The following MYO6 variants were observed in gnomAD, a reference collection of about 807,000 sequenced individuals.
MYO6 encodes the protein myosin VI.
MYO6 carries 74 observed loss-of-function variants against 178.7 expected under a neutral mutation model. The observed-to-expected ratio is 0.41, with a 90% CI of 0.34 to 0.50. MYO6 has a LOEUF of 0.50. Ranked by LOEUF, MYO6 falls within the 20% of genes least tolerant of loss-of-function variation. The pLI is 0.09. For missense variants in MYO6, 1,330 were observed against 1,547.4 expected (o/e 0.86, Z 2.36); for synonymous variants, 477 against 504.6 (o/e 0.95, Z 0.73).
chr6:75,908,399 TA>T (rs1193996667), intron 31 of MYO6, 96 bp from the exon 32 acceptor site: 32 of 1,201,644 alleles, frequency 2.7e-5, no homozygotes, highest in Non-Finnish European at 3.3e-5. Context: ...AATTTAAAAA[TA>T]AAAAAATCTC....
intron 1 of MYO6, among the ~76,000 whole-genome samples, chr6:75,756,961 A>G (rs1386196453): frequency 3.0e-5 from 1 of 32,852 alleles, no homozygotes; most frequent in Non-Finnish European, 9.0e-5. Flanking sequence ...GTATATATGT[A>G]TACACACATA....
At chr6:75,757,009 GTA>G (rs1294470068) in intron 1 of MYO6, among the ~76,000 whole-genome samples, 5 of 135,090 alleles carry the variant, frequency 3.7e-5, no homozygotes, top group Non-Finnish European at 8.0e-5. Flanking sequence ...TATATAGTGT[GTA>G]TATATGTATA....
intron 1 of MYO6, among the ~76,000 whole-genome samples, chr6:75,809,785 C>A (rs80324722): frequency 0.066 from 10,032 of 151,188 alleles, 447 homozygotes; most frequent in Middle Eastern, 0.15. Context: ...GATGTCAGCC[C>A]GGCGTGCTGG....
intron 1 of MYO6, among the ~76,000 whole-genome samples, chr6:75,794,896 A>G (rs1768646751): frequency 6.6e-6 from 1 of 152,226 alleles, no homozygotes; most frequent in African/African-American, 2.4e-5. Context: ...AACTGAAGAA[A>G]AAAAGGCTTA....
intron 1 of MYO6, among the ~76,000 whole-genome samples, chr6:75,810,118 A>T (rs2150144146): frequency 2.7e-5 from 4 of 146,548 alleles, no homozygotes; most frequent in African/African-American, 1.0e-4. Context: ...ATAGATGTTG[A>T]GGTTCTTGTT....
At position 75,918,471 on chromosome 6, in the gene MYO6, T is replaced by C. The variant is rs1781248612; in HGVS notation, c.*3459T>C. ...AAATTTTAGAATGAATAATGTGTAA[T>C]TTATAGGATCAGAACGTATGGTTAT... On this transcript the variant is annotated 3_prime_UTR_variant, in exon 35 of 35. Transcript: ENST00000369977. 6.6e-6 allele frequency: 1 copy of C among 152,206 alleles called. No individual in the cohort carries two copies. Among genetic ancestry groups the C allele is most frequent in the South Asian group, 2.1e-4 (1 of 4,828 alleles). The allele number at this position is 152,206 out of a possible 1,614,324, so 9.4% of individuals were successfully genotyped here.
At chr6:75,758,973 G>A (rs1777720050) in intron 1 of MYO6, among the ~76,000 whole-genome samples, 1 of 151,424 alleles carries the variant, frequency 6.6e-6, no homozygotes, top group South Asian at 2.1e-4. Flanking sequence ...AGGTTCAAGC[G>A]ATTCTAATGT....
intron 1 of MYO6, among the ~76,000 whole-genome samples, chr6:75,757,145 G>A (rs1777492452): frequency 1.4e-5 from 2 of 146,684 alleles, no homozygotes; most frequent in African/African-American, 5.0e-5. Context: ...GAGTACTTAT[G>A]TGTGTTGTGT....
chr6:75,852,390 T>C (rs769040721), intron 11 of MYO6, among the ~76,000 whole-genome samples: 8 of 152,114 alleles, frequency 5.3e-5, no homozygotes, highest in South Asian at 2.1e-4. Flanking sequence ...GTTCACTCAA[T>C]TGAAGTGTAT....
intron 20 of MYO6, among the ~76,000 whole-genome samples, chr6:75,874,992 C>T (rs1295215397): frequency 6.6e-6 from 1 of 152,234 alleles, no homozygotes; most frequent in Non-Finnish European, 1.5e-5. Context: ...TGGTTCCTGA[C>T]ATGGCGTATG....
intron 1 of MYO6, among the ~76,000 whole-genome samples, chr6:75,795,260 G>A (rs925963429): frequency 2.0e-5 from 3 of 152,140 alleles, no homozygotes; most frequent in African/African-American, 4.8e-5. Context: ...CTGCAGCACC[G>A]TAGAGGAGAG....
At chr6:75,841,172 T>C in intron 8 of MYO6, 42 bp from the exon 9 acceptor site, 1 of 1,581,224 alleles carries the variant, frequency 6.3e-7, no homozygotes, top group Non-Finnish European at 8.7e-7. Context: ...ATTTTAAGAC[T>C]TTAAATGCAA....
At chr6:75,826,792 A>T (rs1204981156) in intron 3 of MYO6, among the ~76,000 whole-genome samples, 1 of 152,108 alleles carries the variant, frequency 6.6e-6, no homozygotes, top group Non-Finnish European at 1.5e-5. Flanking sequence ...CCTAAGTGGC[A>T]CTAGAAAGCA....
chr6:75,907,454 C>T (rs1780416112), intron 30 of MYO6, 151 bp from the exon 31 acceptor site: 1 of 630,374 alleles, frequency 1.6e-6, no homozygotes, highest in East Asian at 2.8e-5. Context: ...TTTAGTATGC[C>T]ATTCTTAATC....
At chr6:75,848,640 A>G in intron 11 of MYO6, 109 bp downstream of exon 11, 1 of 1,016,760 alleles carries the variant, frequency 9.8e-7, no homozygotes. Flanking sequence ...AACTTTAAGA[A>G]ATATCTAAAA....
chr6:75,821,481 T>G (rs544525684), intron 2 of MYO6, among the ~76,000 whole-genome samples: 1 of 152,304 alleles, frequency 6.6e-6, no homozygotes, highest in East Asian at 1.9e-4. Context: ...CTTCTCCACA[T>G]TTATAACATT....
intron 5 of MYO6, among the ~76,000 whole-genome samples, chr6:75,832,311 A>G (rs1430501156): frequency 6.6e-6 from 1 of 152,214 alleles, no homozygotes; most frequent in Non-Finnish European, 1.5e-5. Context: ...CCCCACAGAT[A>G]TAATCTAGGA....
At chr6:75,757,038 G>GTA (rs1777470671) in intron 1 of MYO6, among the ~76,000 whole-genome samples, 2 of 122,194 alleles carry the variant, frequency 1.6e-5, no homozygotes, top group South Asian at 5.3e-4. Flanking sequence ...TATATAGTGT[G>GTA]TATATATGTG....
In MYO6 at chr6:75,859,033, G is replaced by A. The variant is rs749816913; in HGVS notation, c.1473+40G>A. 24 of 1,307,804 alleles carry A rather than the reference G, an allele frequency of 1.8e-5. No individual in the cohort carries two copies. The Admixed American group carries it at 4.3e-4, about 23-fold the overall frequency. The allele number at this position is 1,307,804 out of a possible 1,614,324, so 81.0% of individuals were successfully genotyped here. On this transcript the variant is annotated intron_variant, in intron 14 of 34. Coordinates refer to ENST00000369977, the MANE Select transcript of MYO6 (RefSeq NM_004999.4). ...AAGTTTAATTTAAGATCTGCATAAA[G>A]CTATTTTAAATTTTAAGGAAGAGAT...
Sources: allele counts gnomAD v4.1 joint callset (sites outside exome capture counted in the v4.1 genomes callset), GRCh38; gene constraint gnomAD v4.1.1; transcripts MANE v1.5; gene names NCBI Gene and HGNC (gene_info 2026-07-23, HGNC 2026-07-21).